Variants in COL4A3 observed in about 807,000 individuals in gnomAD.
COL4A3 encodes collagen alpha-3(IV) chain.
In COL4A3, 135 loss-of-function variants were observed where a neutral mutation model predicts 217.4. The ratio of observed to expected loss-of-function variants is 0.62; its 90% CI spans 0.54 to 0.72. The LOEUF (loss-of-function observed/expected upper bound fraction) is 0.72, where lower values mean the gene tolerates loss of function less well. Ranked by LOEUF, COL4A3 falls within the 30% of genes least tolerant of loss-of-function variation. The pLI is 0.00. For missense variants in COL4A3, 1,868 were observed against 2,119.9 expected, an observed-to-expected ratio of 0.88 and a Z score of 2.33; for synonymous variants, 690 against 736.3, an observed-to-expected ratio of 0.94 and a Z score of 1.02.
At chr2:227,226,346 GA>G (rs1214719223) in intron 1 of COL4A3, among the ~76,000 whole-genome samples, 7 of 152,158 alleles carry the variant, frequency 4.6e-5, no homozygotes, top group Admixed American at 4.6e-4. Flanking sequence ...GGGAGAAGGG[GA>G]GGCACATGGG....
Position 227,295,069 on chromosome 2 carries a change from C to A in COL4A3, c.3517+7C>A, listed in dbSNP as rs746806400. 2 of 1,611,018 alleles carry A rather than the reference C, an allele frequency of 1.2e-6. No homozygotes were observed. Among genetic ancestry groups the A allele is most frequent in the Non-Finnish European group, 1.7e-6 (2 of 1,177,472 alleles). On this transcript the variant is annotated splice_region_variant and intron_variant, in intron 40 of 51. Transcript: ENST00000396578. Reference sequence around the variant, plus strand: ...GGAGAAAAGGGAGAAACGGGTACAACTTGCTCATTATCTTTGATCCGTTAG... The same window carrying A: ...GGAGAAAAGGGAGAAACGGGTACAAATTGCTCATTATCTTTGATCCGTTAG...
intron 43 of COL4A3, among the ~76,000 whole-genome samples, chr2:227,302,238 A>G (rs1465009752): frequency 6.6e-6 from 1 of 152,160 alleles, no homozygotes; most frequent in Non-Finnish European, 1.5e-5. Context: ...CAACTCCTGT[A>G]CACTCCCATC....
intron 29 of COL4A3, 110 bp from the exon 30 acceptor site, chr2:227,280,330 T>C (rs2071874295): frequency 1.6e-6 from 2 of 1,220,492 alleles, no homozygotes; most frequent in African/African-American, 3.0e-5. Flanking sequence ...GGAAAGTTGA[T>C]GACATGGTAG....
Position 227,295,274 on chromosome 2 carries a change from T to C in COL4A3, c.3523T>C (p.Leu1175=). ...PAGEKGETGL[L]RAPPGPRGNP... ...GCCAAGATTATCTCTTTCAGGTTTA[T>C]TGAGGGCCCCTCCAGGCCCAAGAGG... Residue 1175 remains leucine (L), a synonymous_variant, in exon 41 of 52, where the codon TTG becomes CTG. Transcript: ENST00000396578. 1 of 1,614,144 alleles carries C rather than the reference T, an allele frequency of 6.2e-7. No homozygotes were observed. Among genetic ancestry groups the C allele is most frequent in the Non-Finnish European group, 8.5e-7 (1 of 1,179,962 alleles).
rs541607664 is a variant in COL4A3 at position 227,245,021 on chromosome 2, T to C, written c.324+26T>C. The C allele has an allele frequency of 2.4e-5, 38 of 1,604,740 alleles. No individual in the cohort carries two copies. In the South Asian group the frequency reaches 3.6e-4, roughly 15 times the overall value. ...GTAAGTAATGGGAAAAATCCGTAGC[T>C]AGAAAATTTAAAAGTAAGCTCATTT... On this transcript the variant is annotated intron_variant, in intron 5 of 51. Transcript: ENST00000396578.
At chr2:227,299,761 C>T (rs1313130539) in intron 43 of COL4A3, among the ~76,000 whole-genome samples, 1 of 152,140 alleles carries the variant, frequency 6.6e-6, no homozygotes, top group African/African-American at 2.4e-5. Context: ...ATGATTTGGC[C>T]TCTAAGAGGC....
rs961582141 is a variant in COL4A3 at position 227,243,480 on chromosome 2, G to C, written c.235-840G>C. ...TTCGGCATCACGTGAATAGAATTCT[G>C]TGGGAAGGGGAATGGCCTTGAACAC... On this transcript the variant is annotated intron_variant, in intron 3 of 51. Transcript: ENST00000396578. Among the ~76,000 whole-genome samples, 3 of 152,208 alleles carry C rather than the reference G, an allele frequency of 2.0e-5. 1 individual carries two copies. The highest frequency in any genetic ancestry group is 7.2e-5 in the African/African-American group (3 of 41,464).
chr2:227,217,614 A>C (rs12623665), intron 1 of COL4A3, among the ~76,000 whole-genome samples: 26,637 of 152,172 alleles, frequency 0.18, 2,984 homozygotes, highest in East Asian at 0.57. Context: ...GGTTTATTAA[A>C]ATAAAATATC....
At chr2:227,233,035 A>G (rs995095313) in intron 1 of COL4A3, among the ~76,000 whole-genome samples, 1 of 152,112 alleles carries the variant, frequency 6.6e-6, no homozygotes, top group African/African-American at 2.4e-5. Context: ...TGTTTTTGAG[A>G]CAGAGTCTAG....
intron 1 of COL4A3, among the ~76,000 whole-genome samples, chr2:227,198,987 C>T (rs886475045): frequency 7.2e-5 from 11 of 152,098 alleles, no homozygotes; most frequent in Admixed American, 5.2e-4. Flanking sequence ...ATGGCAGCAA[C>T]TGAGATGGCC....
At chr2:227,307,644 G>C in intron 47 of COL4A3, 66 bp from the exon 48 acceptor site, 1 of 1,269,506 alleles carries the variant, frequency 7.9e-7, no homozygotes, top group Non-Finnish European at 1.1e-6. Context: ...ATTTAAATTA[G>C]TACTTTGAAA....
In COL4A3 at chr2:227,164,812, A is replaced by C; in HGVS notation, c.86A>C (p.Lys29Thr). The C allele has an allele frequency of 3.3e-6, 5 of 1,515,612 alleles. No individual in the cohort carries two copies. In the South Asian group the frequency reaches 4.9e-5, roughly 15 times the overall value. The allele number at this position is 1,515,612 out of a possible 1,614,324, so 93.9% of individuals were successfully genotyped here. Residue 29 changes from lysine (K) to threonine (T), a missense_variant and splice_region_variant, in exon 1 of 52, where the codon AAG (lysine) becomes ACG (threonine). Around this residue, in one of 2 missense-constraint regions of COL4A3, gnomAD observed 365 missense variants for 333.8 expected, o/e 1.09. Transcript: ENST00000396578. The surrounding 1 kb of genome is among the most constrained non-coding windows in gnomAD (Gnocchi z 4.8). ...CTGGCGGCGGCGCCCGCAGCCAGCA[A>C]GGTGAGTGGGGGCTGCGCGACCCCC... ...VLLAAAPAASKGCVCKDKGQC... is the reference protein window; with the variant it reads ...VLLAAAPAASTGCVCKDKGQC...
rs758444255 is a variant in COL4A3, at chr2:227,225,836, C to T, written c.88-12132C>T. 1.1e-3 allele frequency among the ~76,000 whole-genome samples: 168 copies of T among 151,792 alleles called. 1 individual carries two copies. The highest frequency in any genetic ancestry group is 3.4e-3 in the Middle Eastern group (1 of 294). Reference sequence around the variant, plus strand: ...AAGCGATTCTCTTGCCTTAGCCACCCGAGTACCTGGGACTATAATTACACT... The same window carrying T: ...AAGCGATTCTCTTGCCTTAGCCACCTGAGTACCTGGGACTATAATTACACT... On this transcript the variant is annotated intron_variant, in intron 1 of 51. Transcript: ENST00000396578.
At chr2:227,261,849 T>C (rs1559877175) in intron 20 of COL4A3, among the ~76,000 whole-genome samples, 1 of 152,236 alleles carries the variant, frequency 6.6e-6, no homozygotes, top group Non-Finnish European at 1.5e-5. Context: ...TTCTAAACTT[T>C]CGTCTCTGAC....
intron 4 of COL4A3, 47 bp from the exon 5 acceptor site, chr2:227,244,904 T>A: frequency 6.7e-7 from 1 of 1,484,218 alleles, no homozygotes; most frequent in Non-Finnish European, 9.1e-7. Context: ...TGAACATTTT[T>A]AAAGTTTTTT....
chr2:227,193,818 G>A (rs375038297), intron 1 of COL4A3, among the ~76,000 whole-genome samples: 1 of 50,740 alleles, frequency 2.0e-5, no homozygotes, highest in African/African-American at 7.9e-5. Flanking sequence ...AGGGAGGGAA[G>A]GAAAGGAAGG....
chr2:227,181,623 T>C (rs906772175), intron 1 of COL4A3, among the ~76,000 whole-genome samples: 1 of 152,214 alleles, frequency 6.6e-6, no homozygotes, highest in Admixed American at 6.6e-5. Context: ...TATATTTGCA[T>C]AAAAGTGAGA....
chr2:227,259,621 T>C (rs2125955494), intron 18 of COL4A3, among the ~76,000 whole-genome samples, 172 bp from the exon 19 acceptor site: 1 of 152,330 alleles, frequency 6.6e-6, no homozygotes, highest in African/African-American at 2.4e-5. Flanking sequence ...TATTTAAATT[T>C]TTCCACCTAC....
chr2:227,244,216 GC>G, intron 3 of COL4A3, 103 bp from the exon 4 acceptor site: 1 of 877,186 alleles, frequency 1.1e-6, no homozygotes, highest in Non-Finnish European at 1.9e-6. Flanking sequence ...AATCAGAAGG[GC>G]AAAACAGCTT....
Sources: gnomAD v4.1 joint callset for allele counts (sites outside exome capture counted in the v4.1 genomes callset) on GRCh38, gnomAD v4.1.1 for gene constraint, gnomAD v4.1.1 regional missense constraint, Gnocchi (gnomAD v3.1) non-coding constraint, MANE v1.5 for transcripts, NCBI Gene and HGNC (gene_info 2026-07-23, HGNC 2026-07-21) for gene names.